USH1C: variants seen among roughly 807,000 people sequenced by gnomAD.
The protein encoded by USH1C is harmonin.
A neutral mutation model predicts 119.3 loss-of-function variants in USH1C; 90 were observed. The observed-to-expected ratio is 0.75, with a 90% confidence interval of 0.64 to 0.90. The LOEUF (loss-of-function observed/expected upper bound fraction) is 0.90, where lower values mean the gene tolerates loss of function less well. Among genes scored for constraint, USH1C ranks in the 40% least tolerant of loss-of-function variants. The pLI, the probability that USH1C is intolerant of heterozygous loss-of-function variation, is 0.00. For synonymous variants in USH1C, 465 were observed against 443.3 expected (o/e 1.05, Z -0.62); for missense variants, 1,165 against 1,167.7 (o/e 1.00, Z 0.03).
At chr11:17,510,583 T>A (rs1849846679) in intron 16 of USH1C, 62 bp from the exon 17 acceptor site, 2 of 1,244,608 alleles carry the variant, frequency 1.6e-6, no homozygotes, top group Non-Finnish European at 2.4e-6. Context: ...AACATGTGGA[T>A]AGAAATAGCA....
Position 17,509,340 on chromosome 11 carries a change from A to G in USH1C, c.2013+16T>C. The G allele has an allele frequency of 6.4e-7, 1 of 1,555,238 alleles. No individual in the cohort carries two copies. ...CTTCCTACTTCCAAACATAGCATGC[A>G]GAACAGGGACATTACCTTTGGGGTG... On this transcript the variant is annotated intron_variant, in intron 18 of 26. Transcript: ENST00000005226.
At position 17,522,932 on chromosome 11, in the gene USH1C, G is replaced by A; in HGVS notation, c.877-6C>T. On this transcript the variant is annotated splice_polypyrimidine_tract_variant and splice_region_variant and intron_variant, in intron 11 of 26. Coordinates refer to ENST00000005226, the MANE Select transcript of USH1C (RefSeq NM_153676.4). ...GTCATGAACAGCTCCCGGCCCTCAT[G>A]GGAGAAAAGAGGCCCCTTGCTCAGC... The A allele has an allele frequency of 6.2e-7, 1 of 1,609,988 alleles. No individual in the cohort carries two copies.
Position 17,504,830 on chromosome 11 carries a change from C to G in USH1C, c.2134-133G>C. Reference sequence around the variant, plus strand: ...GTCCCTCCCCGAGCAGTCTGGCTTACGTTAAAGGCCTGCTCAATGCCCAAA... The same window carrying G: ...GTCCCTCCCCGAGCAGTCTGGCTTAGGTTAAAGGCCTGCTCAATGCCCAAA... On this transcript the variant is annotated intron_variant, in intron 19 of 26. Coordinates refer to ENST00000005226, the MANE Select transcript of USH1C (RefSeq NM_153676.4). The G allele has an allele frequency of 6.0e-6, 5 of 833,766 alleles. No homozygotes were observed. In the East Asian group the frequency reaches 1.3e-4, roughly 21 times the overall value. 51.6% of individuals were successfully genotyped at this position (833,766 alleles called of 1,614,324 possible).
intron 15 of USH1C, among the ~76,000 whole-genome samples, chr11:17,513,477 C>A (rs371949249): frequency 1.6e-4 from 24 of 152,246 alleles, no homozygotes; most frequent in African/African-American, 5.8e-4. Context: ...CTTGGTGGGC[C>A]ATTATGGACC....
chr11:17,511,628 G>A (rs1362152713), intron 16 of USH1C, among the ~76,000 whole-genome samples: 3 of 152,044 alleles, frequency 2.0e-5, no homozygotes, highest in Admixed American at 2.0e-4. Context: ...CACACCCCCC[G>A]ACCAAGGAGG....
chr11:17,523,824 C>T (rs928357107), intron 9 of USH1C, among the ~76,000 whole-genome samples: 1 of 152,210 alleles, frequency 6.6e-6, no homozygotes, highest in East Asian at 1.9e-4. Context: ...TGTGTTGAAT[C>T]GTCATAACAG....
intron 1 of USH1C, 60 bp downstream of exon 1, chr11:17,544,212 C>A: frequency 6.2e-7 from 1 of 1,610,470 alleles, no homozygotes. Context: ...TGTCCACCCC[C>A]TACCCACCGC....
At chr11:17,505,328 G>T (rs1236414683) in intron 19 of USH1C, among the ~76,000 whole-genome samples, 1 of 152,270 alleles carries the variant, frequency 6.6e-6, no homozygotes, top group Non-Finnish European at 1.5e-5. Flanking sequence ...AGGGCACCTG[G>T]AATCTCTGTA....
intron 14 of USH1C, among the ~76,000 whole-genome samples, chr11:17,517,041 G>A (rs1351657006): frequency 6.6e-6 from 1 of 152,180 alleles, no homozygotes; most frequent in African/African-American, 2.4e-5. Flanking sequence ...ACAGGATGCT[G>A]AAAGCCTCCT....
chr11:17,494,044 C>T lies in USH1C; in HGVS notation c.*288G>A, dbSNP rs1849156437. The T allele has an allele frequency of 2.0e-6, 1 of 500,850 alleles. No homozygotes were observed. The highest frequency in any genetic ancestry group is 1.9e-5 in the African/African-American group (1 of 51,564). The allele number at this position is 500,850 out of a possible 1,614,324, so 31.0% of individuals were successfully genotyped here. ...TATTAGGGTTCAAGGAAGGAGTCCC[C>T]CAGAGCTGGGAGAGACCAAATTCAC... On this transcript the variant is annotated 3_prime_UTR_variant, in exon 27 of 27. Coordinates refer to ENST00000005226, the MANE Select transcript of USH1C (RefSeq NM_153676.4).
intron 15 of USH1C, chr11:17,514,761 G>T (rs931190887): frequency 6.5e-4 from 98 of 151,754 alleles, no homozygotes; most frequent in African/African-American, 2.3e-3. Flanking sequence ...GAGGCAGATG[G>T]GGCGATTGTG....
At chr11:17,513,218 A>G (rs1163705557) in intron 15 of USH1C, among the ~76,000 whole-genome samples, 1 of 152,142 alleles carries the variant, frequency 6.6e-6, no homozygotes, top group Non-Finnish European at 1.5e-5. Flanking sequence ...AGGGAGGGTC[A>G]GCCCCTATCA....
At chr11:17,535,327 T>C (rs1851191631) in intron 1 of USH1C, among the ~76,000 whole-genome samples, 1 of 151,950 alleles carries the variant, frequency 6.6e-6, no homozygotes, top group Non-Finnish European at 1.5e-5. Context: ...CCTTGGCGTA[T>C]GCTTGTTCCC....
At chr11:17,529,381 C>A (rs1850856319) in intron 4 of USH1C, among the ~76,000 whole-genome samples, 1 of 152,186 alleles carries the variant, frequency 6.6e-6, no homozygotes, top group Non-Finnish European at 1.5e-5. Context: ...TGGGAGGGTC[C>A]AAGCCCACCA....
At chr11:17,502,957 G>C (rs765141048) in intron 20 of USH1C, among the ~76,000 whole-genome samples, 1 of 152,214 alleles carries the variant, frequency 6.6e-6, no homozygotes, top group Non-Finnish European at 1.5e-5. Flanking sequence ...ACCACACCAA[G>C]TGACCCATGG....
In USH1C at chr11:17,495,748, TCTC is replaced by T. The variant is rs945914543; in HGVS notation, c.2547-74_2547-72del. 34 of 1,527,956 alleles carry T rather than the reference TCTC, an allele frequency of 2.2e-5. No homozygotes were observed. The African/African-American group carries it at 4.0e-4, about 18-fold the overall frequency. The allele number at this position is 1,527,956 out of a possible 1,614,324, so 94.6% of individuals were successfully genotyped here. Reference sequence around the variant, plus strand: ...CTCCCAGGCAGAGCTCCATGGGGCTTCTCCTTTCACTGGGCTCCTGCCTCGGGT... The same window carrying T: ...CTCCCAGGCAGAGCTCCATGGGGCTTCTTTCACTGGGCTCCTGCCTCGGGT... On this transcript the variant is annotated intron_variant, in intron 25 of 26. Transcript: ENST00000005226.
intron 12 of USH1C, among the ~76,000 whole-genome samples, chr11:17,521,658 G>T (rs534576032): frequency 6.6e-6 from 1 of 152,192 alleles, no homozygotes; most frequent in Non-Finnish European, 1.5e-5. Flanking sequence ...AGATCCATGT[G>T]AAGGCCACAC....
Position 17,498,166 on chromosome 11 carries a change from C to T in USH1C, c.2486G>A (p.Gly829Asp), listed in dbSNP as rs773119803. 18 of 1,613,948 alleles carry T rather than the reference C, an allele frequency of 1.1e-5. No homozygotes were observed. The highest frequency in any genetic ancestry group is 1.4e-5 in the Non-Finnish European group (17 of 1,179,942). ...AGGGAGGGGCCTTATTCTTACCCCG[C>T]CCTGATTCCAGGCCTTCTGCAGGGC... ...EAALQKAWNQ[G>D]GDWIDLVVAV... is the part of the protein sequence containing the mutation. Residue 829 changes from glycine (G) to aspartate (D), a missense_variant, in exon 24 of 27, where the codon GGC becomes GAC. Gly to Asp is a moderately conservative substitution (Grantham distance 94, BLOSUM62 -1). Coordinates refer to ENST00000005226, the MANE Select transcript of USH1C (RefSeq NM_153676.4).
chr11:17,496,622 A>C lies in USH1C; in HGVS notation c.2546+136T>G, dbSNP rs544993901. On this transcript the variant is annotated intron_variant, in intron 25 of 26. Coordinates refer to ENST00000005226, the MANE Select transcript of USH1C (RefSeq NM_153676.4). ...GGCTCTAGTCCAGGAGTTTTCTAGG[A>C]GCTCTGGCTATGAGAAGCTGCGTGC... is the stretch of plus-strand genomic sequence containing the variant. 8.5e-4 allele frequency: 926 copies of C among 1,091,468 alleles called. 1 individual carries two copies. Among genetic ancestry groups the C allele is most frequent in the Non-Finnish European group, 1.1e-3 (824 of 726,636 alleles). The allele number at this position is 1,091,468 out of a possible 1,614,324, so 67.6% of individuals were successfully genotyped here.
Sources: allele counts gnomAD v4.1 joint callset (sites outside exome capture counted in the v4.1 genomes callset), GRCh38; gene constraint gnomAD v4.1.1; transcripts MANE v1.5; gene names NCBI Gene and HGNC (gene_info 2026-07-23, HGNC 2026-07-21).